The following LONP2 variants were observed in gnomAD, a reference collection of about 807,000 sequenced individuals.
LONP2 encodes the protein lon peptidase 2, peroxisomal.
In LONP2, 60 loss-of-function variants were observed where a neutral mutation model predicts 85.6. The ratio of observed to expected loss-of-function variants is 0.70; its 90% CI spans 0.57 to 0.87. LONP2 has a LOEUF of 0.87. Ranked by LOEUF, LONP2 falls within the 40% of genes least tolerant of loss-of-function variation. The probability of loss-of-function intolerance (pLI) is 0.00; values close to 1 mark genes in which losing one functional copy is unlikely to be tolerated. For synonymous variants in LONP2, 395 were observed against 389.7 expected, an observed-to-expected ratio of 1.01 and a Z score of -0.16; for missense variants, 860 against 1,063.5, an observed-to-expected ratio of 0.81 and a Z score of 2.66.
chr16:48,361,500 A>G, downstream of LONP2: 1 of 1,424,500 alleles, frequency 7.0e-7, no homozygotes, highest in Non-Finnish European at 9.8e-7. Context: ...AAAGAGTTTT[A>G]GGTTGGCAGA....
intron 8 of LONP2, among the ~76,000 whole-genome samples, chr16:48,295,253 T>C (rs1972643680): frequency 6.6e-6 from 1 of 152,044 alleles, no homozygotes. Context: ...ACACCTGTAG[T>C]CCCAGCTACT....
intron 11 of LONP2, among the ~76,000 whole-genome samples, chr16:48,313,983 T>C (rs1356267436): frequency 6.6e-6 from 1 of 152,242 alleles, no homozygotes; most frequent in Admixed American, 6.5e-5. Context: ...TTCTTGACTT[T>C]TTAATAATTG....
At chr16:48,293,243 A>T (rs901208102) in intron 8 of LONP2, among the ~76,000 whole-genome samples, 3 of 152,134 alleles carry the variant, frequency 2.0e-5, no homozygotes, top group Non-Finnish European at 4.4e-5. Flanking sequence ...CCTGGCTAAC[A>T]TGGTGAAACC....
chr16:48,299,014 C>A (rs948603567), intron 9 of LONP2, among the ~76,000 whole-genome samples: 24 of 151,770 alleles, frequency 1.6e-4, no homozygotes, highest in Non-Finnish European at 3.2e-4. Context: ...CCTCAGCCTC[C>A]AGAGTAACCA....
chr16:48,309,015 A>C (rs1972973410), intron 11 of LONP2, among the ~76,000 whole-genome samples: 1 of 152,206 alleles, frequency 6.6e-6, no homozygotes, highest in African/African-American at 2.4e-5. Context: ...CATTTTTCAA[A>C]AGAAGACATA....
rs541725477 is a variant in LONP2, at chr16:48,279,084, A to G, written c.1383+1605A>G. ...ATCTCCATGAGAAAGATACTTATAG[A>G]TATATTTTAAAATTTTACTTCTCTG... On this transcript the variant is annotated intron_variant, in intron 8 of 14. Coordinates refer to ENST00000285737, the MANE Select transcript of LONP2 (RefSeq NM_031490.5). 5.3e-5 allele frequency among the ~76,000 whole-genome samples: 8 copies of G among 152,228 alleles called. No homozygotes were observed. The South Asian group carries it at 1.4e-3, about 28-fold the overall frequency.
At chr16:48,332,861 T>C (rs999461987) in intron 11 of LONP2, among the ~76,000 whole-genome samples, 6 of 152,134 alleles carry the variant, frequency 3.9e-5, no homozygotes, top group Non-Finnish European at 7.4e-5. Context: ...TGAGCCGAGA[T>C]TGCACCACTG....
chr16:48,336,184 G>A (rs570151590), intron 12 of LONP2, among the ~76,000 whole-genome samples: 3 of 152,314 alleles, frequency 2.0e-5, no homozygotes, highest in African/African-American at 7.2e-5. Context: ...CTGATGTTAA[G>A]TTTGGAAGCA....
At chr16:48,303,066 T>C (rs1443875619) in intron 10 of LONP2, 106 bp from the exon 11 acceptor site, 2 of 1,235,798 alleles carry the variant, frequency 1.6e-6, no homozygotes, top group Non-Finnish European at 1.1e-6. Context: ...GAAAGGGTAA[T>C]GAACTTTTAA....
In LONP2 at chr16:48,354,196, C is replaced by CTTTTTTTTTTTTTTTTTTTTT. The variant is rs1159788312; in HGVS notation, c.*2403_*2423dup. ...GATCTAAGCATGTCCACTCTACACG[C>CTTTTTTTTTTTTTTTTTTTTT]TTTTTTTTTTTTTTTTTTTTTTTTT... On this transcript the variant is annotated 3_prime_UTR_variant, in exon 15 of 15. Transcript: ENST00000285737. 4.3e-5 allele frequency: 2 copies of CTTTTTTTTTTTTTTTTTTTTT among 46,200 alleles called. 1 individual carries two copies. Among genetic ancestry groups the CTTTTTTTTTTTTTTTTTTTTT allele is most frequent in the Non-Finnish European group, 8.1e-5 (2 of 24,800 alleles). The allele number at this position is 46,200 out of a possible 1,614,324, so 2.9% of individuals were successfully genotyped here. A position where few individuals can be genotyped will look rare whatever the true frequency, so the allele number is the denominator to read the frequency against.
chr16:48,338,683 G>A (rs1357052967), intron 12 of LONP2, among the ~76,000 whole-genome samples: 1 of 152,140 alleles, frequency 6.6e-6, no homozygotes. Flanking sequence ...TGAGGCAGGT[G>A]GATTGCTTGA....
At chr16:48,312,843 A>G (rs1477782925) in intron 11 of LONP2, among the ~76,000 whole-genome samples, 1 of 152,118 alleles carries the variant, frequency 6.6e-6, no homozygotes, top group Non-Finnish European at 1.5e-5. Context: ...TAATTCAAGA[A>G]TTATTCAGGT....
intron 7 of LONP2, among the ~76,000 whole-genome samples, chr16:48,274,246 C>T (rs1238995973): frequency 4.6e-5 from 7 of 152,070 alleles, no homozygotes; most frequent in Non-Finnish European, 8.8e-5. Flanking sequence ...TTATCGAATA[C>T]GGGCCTCTGG....
chr16:48,315,467 G>A (rs909960900), intron 11 of LONP2, among the ~76,000 whole-genome samples: 3 of 152,114 alleles, frequency 2.0e-5, no homozygotes, highest in Non-Finnish European at 4.4e-5. Context: ...ATCTTCACAT[G>A]GCAGAAGGGC....
chr16:48,298,626 G>GGGGGGT (rs565121093), intron 9 of LONP2, among the ~76,000 whole-genome samples: 1 of 134,322 alleles, frequency 7.4e-6, no homozygotes, highest in Non-Finnish European at 1.6e-5. Flanking sequence ...ATTTAATTGA[G>GGGGGGT]GTGTGTGTGT....
chr16:48,299,592 AAC>A, intron 9 of LONP2, 68 bp from the exon 10 acceptor site: 1 of 1,541,138 alleles, frequency 6.5e-7, no homozygotes, highest in Non-Finnish European at 8.8e-7. Flanking sequence ...TAAAAAAAAA[AAC>A]AAAAAACAAA....
rs540532751 is a variant in LONP2, at chr16:48,317,161, G to C, written c.1795+13856G>C. Among the ~76,000 whole-genome samples the C allele has an allele frequency of 6.8e-4, 103 of 152,256 alleles. 1 individual carries two copies. In the Middle Eastern group the frequency reaches 0.01, roughly 15 times the overall value. The stretch of plus-strand genomic sequence containing the variant: ...GAGTTCTCACATGAAAATCCAATCA[G>C]GTCTTTAGCATCCTGGCTTCTCCTT... On this transcript the variant is annotated intron_variant, in intron 11 of 14. Transcript: ENST00000285737.
intron 4 of LONP2, among the ~76,000 whole-genome samples, chr16:48,261,154 A>G (rs994519154): frequency 6.6e-6 from 1 of 152,212 alleles, no homozygotes; most frequent in African/African-American, 2.4e-5. Context: ...TCTAGTATCC[A>G]GTTCCTTGAA....
chr16:48,274,541 A>G (rs1384428723), intron 7 of LONP2, among the ~76,000 whole-genome samples: 1 of 152,096 alleles, frequency 6.6e-6, no homozygotes, highest in Admixed American at 6.6e-5. Flanking sequence ...ATTTGTTTAG[A>G]CATGCTATTA....
Sources: gnomAD v4.1 joint callset for allele counts (sites outside exome capture counted in the v4.1 genomes callset) on GRCh38, gnomAD v4.1.1 for gene constraint, MANE v1.5 for transcripts, NCBI Gene and HGNC (gene_info 2026-07-23, HGNC 2026-07-21) for gene names.